CLCC1: variants seen among roughly 807,000 people sequenced by gnomAD.
CLCC1 encodes the protein chloride channel CLIC like 1.
A neutral mutation model predicts 63.3 loss-of-function variants in CLCC1; 39 were observed. The ratio of observed to expected loss-of-function variants is 0.62; its 90% CI spans 0.48 to 0.81. The LOEUF is 0.81. CLCC1 is among the 30% of genes least tolerant of loss of function. The pLI, the probability that CLCC1 is intolerant of heterozygous loss-of-function variation, is 0.00. For synonymous variants in CLCC1, 217 were observed against 239.8 expected, an observed-to-expected ratio of 0.90 and a Z score of 0.88; for missense variants, 549 against 669.4, an observed-to-expected ratio of 0.82 and a Z score of 1.98.
chr1:108,956,803 T>A (rs1655944234), intron 2 of CLCC1, among the ~76,000 whole-genome samples: 1 of 136,228 alleles, frequency 7.3e-6, no homozygotes, highest in Non-Finnish European at 1.6e-5. Context: ...ATAGAAGCCC[T>A]GAGTGGAGAA....
At chr1:108,951,935 T>G (rs1655230979) in intron 2 of CLCC1, among the ~76,000 whole-genome samples, 1 of 151,628 alleles carries the variant, frequency 6.6e-6, no homozygotes. Flanking sequence ...CCTGGCTAAT[T>G]TTTTAAAATT....
chr1:108,947,818 T>C lies in CLCC1; in HGVS notation c.232-100A>G, dbSNP rs77808430. 1,107 of 776,850 alleles carry C rather than the reference T, an allele frequency of 1.4e-3. 17 individuals are homozygous for C. The African/African-American group carries it at 0.017, about 12-fold the overall frequency. 48.1% of individuals were successfully genotyped at this position (776,850 alleles called of 1,614,324 possible). On this transcript the variant is annotated intron_variant, in intron 4 of 12. Transcript: ENST00000369969. ...TGTCATCGGAATCAAGGTAAGGAGC[T>C]AGTTGTTTTGATCAAGTTTGCATTT... is the stretch of plus-strand genomic sequence containing the variant.
intron 2 of CLCC1, among the ~76,000 whole-genome samples, chr1:108,959,867 C>G (rs553385028): frequency 6.6e-6 from 1 of 152,132 alleles, no homozygotes; most frequent in Non-Finnish European, 1.5e-5. Flanking sequence ...TGGCGACTCA[C>G]GCCTGTAATC....
In CLCC1 at chr1:108,929,887, A is replaced by C. The variant is rs1165749037; in HGVS notation, c.*2660T>G. The C allele has an allele frequency of 6.2e-7, 1 of 1,613,858 alleles. No individual in the cohort carries two copies. The highest frequency in any genetic ancestry group is 1.1e-5 in the South Asian group (1 of 91,080). ...CTTTGGGCTAAAGGACTTTTTGCAA[A>C]ATAATGCTTTGTTGGAGTTTAAAAA... On this transcript the variant is annotated 3_prime_UTR_variant, in exon 13 of 13. Transcript: ENST00000369969.
In CLCC1 at chr1:108,934,791, G is replaced by T. The variant is rs760196687; in HGVS notation, c.1535C>A (p.Ala512Glu). Residue 512 changes from alanine to glutamate, a missense_variant, in exon 12 of 13, where the codon GCG becomes GAG. By Grantham distance (107) the Ala-to-Glu change is moderately radical. Coordinates refer to ENST00000369969, the MANE Select transcript of CLCC1 (RefSeq NM_001377458.1). ...TTCAGACTTGAGCTGGGCCTTTTCC[G>T]CTGCGGGTGAACCTTCTGTATTCCC... Reference protein sequence around the residue: ...TSGNTEGSPAAEKAQLKSEAA... With the variant: ...TSGNTEGSPAEEKAQLKSEAA... 6.2e-7 allele frequency: 1 copy of T among 1,614,150 alleles called. No homozygotes were observed. Among genetic ancestry groups the T allele is most frequent in the East Asian group, 2.2e-5 (1 of 44,880 alleles).
intron 7 of CLCC1, among the ~76,000 whole-genome samples, chr1:108,942,997 C>A (rs1401788517): frequency 1.3e-5 from 2 of 151,890 alleles, no homozygotes; most frequent in Non-Finnish European, 2.9e-5. Context: ...CTCACTGCAA[C>A]CTCTCAGGTT....
intron 11 of CLCC1, 28 bp downstream of exon 11, chr1:108,937,049 C>T: frequency 7.0e-7 from 1 of 1,431,952 alleles, no homozygotes; most frequent in Non-Finnish European, 9.3e-7. Context: ...AATGAAGGGA[C>T]AGCAGAATAA....
intron 11 of CLCC1, among the ~76,000 whole-genome samples, chr1:108,936,118 C>T (rs12135170): frequency 1.1e-3 from 127 of 120,922 alleles, no homozygotes; most frequent in African/African-American, 3.1e-3. Context: ...TTTGAGACGA[C>T]GTCTCACTCT....
Position 108,929,861 on chromosome 1 carries a change from AC to A in CLCC1, c.*2685del. 6.2e-7 allele frequency: 1 copy of A among 1,613,960 alleles called. No individual in the cohort carries two copies. The highest frequency in any genetic ancestry group is 8.5e-7 in the Non-Finnish European group (1 of 1,179,808). ...CAAAGAGATCAAAACAGAGACACTG[AC>A]TTTGGGCTAAAGGACTTTTTGCAAA... is the stretch of plus-strand genomic sequence containing the variant. On this transcript the variant is annotated 3_prime_UTR_variant, in exon 13 of 13. Coordinates refer to ENST00000369969, the MANE Select transcript of CLCC1 (RefSeq NM_001377458.1).
At chr1:108,941,013 T>C (rs1653767079) in intron 8 of CLCC1, among the ~76,000 whole-genome samples, 3 of 152,194 alleles carry the variant, frequency 2.0e-5, no homozygotes, top group African/African-American at 7.2e-5. Flanking sequence ...ACATAAAATT[T>C]CACAAGTCAA....
rs79211685 is a variant in CLCC1, at chr1:108,947,876, C to T, written c.232-158G>A. On this transcript the variant is annotated intron_variant, in intron 4 of 12. Coordinates refer to ENST00000369969, the MANE Select transcript of CLCC1 (RefSeq NM_001377458.1). ...ATAATACATTACAGTGCAGAGCTGG[C>T]CTGCTTCCCCATGTTCTCTTTGCAA... 5.1e-3 allele frequency among the ~76,000 whole-genome samples: 771 copies of T among 152,264 alleles called. 11 individuals carry two copies. The highest frequency in any genetic ancestry group is 0.017 in the African/African-American group (722 of 41,546).
At chr1:108,933,629 G>C (rs191361403) in intron 12 of CLCC1, 1 of 152,356 alleles carries the variant, frequency 6.6e-6, no homozygotes, top group East Asian at 1.9e-4. Context: ...GTGTGAATAT[G>C]GTTAAAACAA....
chr1:108,943,638 A>G (rs1169591748), intron 6 of CLCC1, 23 bp from the exon 7 acceptor site: 1 of 1,612,418 alleles, frequency 6.2e-7, no homozygotes, highest in Non-Finnish European at 8.5e-7. Context: ...AGAAGCAGAA[A>G]TCAGCCACCA....
chr1:108,933,479 C>T (rs563410970), intron 12 of CLCC1: 171 of 151,944 alleles, frequency 1.1e-3, no homozygotes, highest in African/African-American at 4.0e-3. Context: ...AGTAACACTT[C>T]CTGGATCCAA....
intron 4 of CLCC1, among the ~76,000 whole-genome samples, chr1:108,948,704 T>C (rs1354720812): frequency 6.6e-6 from 1 of 151,808 alleles, no homozygotes; most frequent in Non-Finnish European, 1.5e-5. Flanking sequence ...TTTCTTAGAA[T>C]GTTTAAACCA....
intron 8 of CLCC1, among the ~76,000 whole-genome samples, 194 bp downstream of exon 8, chr1:108,941,211 C>T (rs1653793373): frequency 6.6e-6 from 1 of 152,208 alleles, no homozygotes; most frequent in Non-Finnish European, 1.5e-5. Flanking sequence ...TATACAACTT[C>T]TATTCCTTCC....
Position 108,947,224 on chromosome 1 carries a change from C to T in CLCC1, c.339+387G>A, listed in dbSNP as rs549437420. ...AATATGTCTATAAAGTAGCACTCAC[C>T]ACAGTAAACAACAAGGAGAAAAACT... On this transcript the variant is annotated intron_variant, in intron 5 of 12. Transcript: ENST00000369969. 1.8e-4 allele frequency among the ~76,000 whole-genome samples: 27 copies of T among 152,150 alleles called. No homozygotes were observed. In the South Asian group the frequency reaches 5.6e-3, roughly 32 times the overall value.
chr1:108,947,056 G>C (rs916121579), intron 5 of CLCC1, among the ~76,000 whole-genome samples: 4 of 151,956 alleles, frequency 2.6e-5, no homozygotes, highest in Non-Finnish European at 4.4e-5. Flanking sequence ...CCAGCTACTC[G>C]GGAGGCTGAG....
Position 108,941,516 on chromosome 1 carries a change from G to A in CLCC1, c.703-18C>T. On this transcript the variant is annotated intron_variant, in intron 7 of 12. Coordinates refer to ENST00000369969, the MANE Select transcript of CLCC1 (RefSeq NM_001377458.1). Reference sequence around the variant, plus strand: ...AAAGCTAGCTGCCCAACACCAAAAGGGAACCAGGAGAGGCCGTTACCTATG... The same window carrying A: ...AAAGCTAGCTGCCCAACACCAAAAGAGAACCAGGAGAGGCCGTTACCTATG... 6.2e-7 allele frequency: 1 copy of A among 1,610,874 alleles called. No homozygotes were observed. The highest frequency in any genetic ancestry group is 8.5e-7 in the Non-Finnish European group (1 of 1,177,656).
Sources: allele counts gnomAD v4.1 joint callset (sites outside exome capture counted in the v4.1 genomes callset), GRCh38; gene constraint gnomAD v4.1.1; transcripts MANE v1.5; gene names NCBI Gene and HGNC (gene_info 2026-07-23, HGNC 2026-07-21).